DPP6: variants seen among roughly 807,000 people sequenced by gnomAD.
DPP6 encodes the protein A-type potassium channel modulatory protein DPP6.
A neutral mutation model predicts 122.6 loss-of-function variants in DPP6; 69 were observed. That is an observed-to-expected ratio of 0.56 (90% CI 0.46 to 0.69). The LOEUF (loss-of-function observed/expected upper bound fraction) is 0.69, where lower values mean the gene tolerates loss of function less well. Ranked by LOEUF, DPP6 falls within the 30% of genes least tolerant of loss-of-function variation. The pLI is 0.00. For missense variants in DPP6, 928 were observed against 1,116.9 expected, an observed-to-expected ratio of 0.83 and a Z score of 2.41; for synonymous variants, 418 against 433.1, an observed-to-expected ratio of 0.97 and a Z score of 0.43.
chr7:154,189,066 T>C (rs1446754642), intron 1 of DPP6, among the ~76,000 whole-genome samples: 1 of 152,164 alleles, frequency 6.6e-6, no homozygotes, highest in East Asian at 1.9e-4. Flanking sequence ...TGTCTATAGG[T>C]CTCCTTCTTG....
intron 1 of DPP6, among the ~76,000 whole-genome samples, chr7:154,311,766 C>T (rs574373287): frequency 3.9e-5 from 6 of 152,250 alleles, no homozygotes; most frequent in Non-Finnish European, 5.9e-5. Context: ...CGGGTAGGCC[C>T]TTAATCTCCA....
chr7:153,917,410 G>A (rs1800373900), intron 1 of DPP6, among the ~76,000 whole-genome samples: 1 of 152,188 alleles, frequency 6.6e-6, no homozygotes, highest in African/African-American at 2.4e-5. Context: ...ATGAACTTGG[G>A]CAGTGTTAAA....
intron 1 of DPP6, among the ~76,000 whole-genome samples, chr7:154,141,968 A>C (rs1795870185): frequency 6.6e-6 from 1 of 152,216 alleles, no homozygotes; most frequent in African/African-American, 2.4e-5. Flanking sequence ...CAGCAGGACC[A>C]ATCAAAAGGA....
chr7:154,473,773 G>T (rs573665862), intron 2 of DPP6, among the ~76,000 whole-genome samples: 1 of 152,146 alleles, frequency 6.6e-6, no homozygotes, highest in Admixed American at 6.5e-5. Flanking sequence ...GTAACAGCCA[G>T]AAATTGAAAC....
At chr7:154,006,932 C>T (rs2533546) in intron 1 of DPP6, among the ~76,000 whole-genome samples, 8 of 152,252 alleles carry the variant, frequency 5.3e-5, no homozygotes, top group Admixed American at 2.0e-4. Context: ...CTACCTCCCC[C>T]TGAAAGGGGG....
chr7:154,232,554 G>A (rs1169931269), intron 1 of DPP6, among the ~76,000 whole-genome samples: 2 of 152,202 alleles, frequency 1.3e-5, no homozygotes, highest in Non-Finnish European at 2.9e-5. Context: ...GAGGTTGGTT[G>A]TGAATCCTAG....
At chr7:153,853,979 G>GTC in the DPP6 span, among the ~76,000 whole-genome samples, 1 of 148,778 alleles carries the variant, frequency 6.7e-6, no homozygotes, top group Non-Finnish European at 1.5e-5. Flanking sequence ...ATGGTTTTAG[G>GTC]TCTAACGTTT....
intron 17 of DPP6, among the ~76,000 whole-genome samples, chr7:154,856,451 G>A (rs754669730): frequency 3.3e-5 from 5 of 152,176 alleles, no homozygotes; most frequent in Non-Finnish European, 5.9e-5. Context: ...TGACACTGTT[G>A]AGAAAATATT....
chr7:154,397,761 C>T (rs1163893879), intron 1 of DPP6, among the ~76,000 whole-genome samples: 2 of 152,154 alleles, frequency 1.3e-5, no homozygotes, highest in Non-Finnish European at 2.9e-5. Context: ...TTTAAACACT[C>T]CTGAGATGTG....
the DPP6 span, among the ~76,000 whole-genome samples, chr7:153,822,680 T>C: frequency 6.6e-6 from 1 of 152,180 alleles, no homozygotes; most frequent in East Asian, 1.9e-4. Context: ...ATACCTAGTA[T>C]GATGGGGATG....
At chr7:154,780,672 C>T (rs927703239) in intron 10 of DPP6, among the ~76,000 whole-genome samples, 2 of 152,224 alleles carry the variant, frequency 1.3e-5, no homozygotes, top group African/African-American at 4.8e-5. Context: ...GCAGTTTCTT[C>T]CCGTGGACCA....
At chr7:154,140,639 A>G (rs1795798124) in intron 1 of DPP6, among the ~76,000 whole-genome samples, 1 of 152,182 alleles carries the variant, frequency 6.6e-6, no homozygotes, top group Non-Finnish European at 1.5e-5. Context: ...TTTAAAGTAC[A>G]AGGAGGATTC....
At chr7:153,849,290 A>C in the DPP6 span, among the ~76,000 whole-genome samples, 1 of 145,098 alleles carries the variant, frequency 6.9e-6, no homozygotes, top group Non-Finnish European at 1.5e-5. Flanking sequence ...TTTTTTTTTG[A>C]ATACTCTGTA....
At chr7:154,264,303 A>G (rs1452191855) in intron 1 of DPP6, among the ~76,000 whole-genome samples, 1 of 152,212 alleles carries the variant, frequency 6.6e-6, no homozygotes. Context: ...CTTTCAAGCT[A>G]TGAAATATTT....
chr7:154,607,561 CAAAAAAA>C (rs1162220684), intron 5 of DPP6, among the ~76,000 whole-genome samples: 3 of 22,380 alleles, frequency 1.3e-4, no homozygotes, highest in African/African-American at 4.3e-4. Context: ...GACTCTGTCT[CAAAAAAA>C]AAAAAAAAAA....
chr7:154,283,239 C>T (rs1399517226), intron 1 of DPP6, among the ~76,000 whole-genome samples: 1 of 152,164 alleles, frequency 6.6e-6, no homozygotes, highest in African/African-American at 2.4e-5. Context: ...TAAGCATGAA[C>T]TCTGCAGCCA....
chr7:153,976,299 G>A (rs1438746057), intron 1 of DPP6, among the ~76,000 whole-genome samples: 1 of 152,192 alleles, frequency 6.6e-6, no homozygotes, highest in Non-Finnish European at 1.5e-5. Flanking sequence ...AAACGTCTGA[G>A]ACAGCTTTAT....
At chr7:154,558,412 A>C (rs1008570656) in intron 4 of DPP6, among the ~76,000 whole-genome samples, 2 of 152,336 alleles carry the variant, frequency 1.3e-5, no homozygotes, top group African/African-American at 4.8e-5. Context: ...TCTAACCATG[A>C]GACATTAAAC....
In DPP6 at chr7:154,629,785, C is replaced by T. The variant is rs141544998; in HGVS notation, c.628-8036C>T. Reference sequence around the variant, plus strand: ...GAGCTCACCACCTCAGGGAGACCATCCATCCTCATACATGCTCTAAGTGGA... The same window carrying T: ...GAGCTCACCACCTCAGGGAGACCATTCATCCTCATACATGCTCTAAGTGGA... On this transcript the variant is annotated intron_variant, in intron 5 of 25. Coordinates refer to ENST00000377770, the MANE Select transcript of DPP6 (RefSeq NM_130797.4). 1.8e-3 allele frequency among the ~76,000 whole-genome samples: 269 copies of T among 152,308 alleles called. 1 individual carries two copies. The highest frequency in any genetic ancestry group is 6.3e-3 in the African/African-American group (261 of 41,572).
Sources: gnomAD v4.1 joint callset for allele counts (sites outside exome capture counted in the v4.1 genomes callset) on GRCh38, gnomAD v4.1.1 for gene constraint, MANE v1.5 for transcripts, NCBI Gene and HGNC (gene_info 2026-07-23, HGNC 2026-07-21) for gene names.